The following KCNT2 variants were observed in gnomAD, a reference collection of about 807,000 sequenced individuals.
KCNT2 encodes potassium sodium-activated channel subfamily T member 2.
A neutral mutation model predicts 153.8 loss-of-function variants in KCNT2; 67 were observed. The observed-to-expected ratio is 0.44, with a 90% CI of 0.36 to 0.53. The LOEUF is 0.53. KCNT2 is among the 20% of genes least tolerant of loss of function. The pLI is 0.00. For synonymous variants in KCNT2, 500 were observed against 458.8 expected (o/e 1.09, Z -1.15); for missense variants, 975 against 1,354.8 (o/e 0.72, Z 4.40).
At chr1:196,482,422 A>C (rs1475631784) in intron 3 of KCNT2, 43 bp from the exon 4 acceptor site, 1 of 1,072,974 alleles carries the variant, frequency 9.3e-7, no homozygotes, top group East Asian at 2.8e-5. Flanking sequence ...AAAATATGAA[A>C]AATCTATTCA....
chr1:196,289,187 T>C (rs1434446632), intron 22 of KCNT2, among the ~76,000 whole-genome samples: 1 of 152,096 alleles, frequency 6.6e-6, no homozygotes, highest in Non-Finnish European at 1.5e-5. Flanking sequence ...TTCCCAGGCT[T>C]TTACTGGACT....
At chr1:196,369,149 A>C (rs886741739) in intron 14 of KCNT2, among the ~76,000 whole-genome samples, 10 of 152,258 alleles carry the variant, frequency 6.6e-5, no homozygotes, top group African/African-American at 2.4e-4. Flanking sequence ...AAATTGAAAG[A>C]CAAAGAAAAT....
intron 1 of KCNT2, among the ~76,000 whole-genome samples, chr1:196,548,014 A>C (rs1657352072): frequency 6.6e-6 from 1 of 151,944 alleles, no homozygotes; most frequent in African/African-American, 2.4e-5. Context: ...TATATTGAGT[A>C]ATAGAAATTT....
At chr1:196,316,099 C>T in intron 20 of KCNT2, 73 bp from the exon 21 acceptor site, 1 of 1,394,890 alleles carries the variant, frequency 7.2e-7, no homozygotes, top group Non-Finnish European at 9.9e-7. Context: ...TAAAGTCTAG[C>T]ACTATCCCCT....
intron 1 of KCNT2, among the ~76,000 whole-genome samples, chr1:196,538,935 A>G (rs1207670617): frequency 1.1e-4 from 17 of 152,218 alleles, no homozygotes; most frequent in Non-Finnish European, 2.9e-5. Context: ...GAAATGAAAT[A>G]TTCACTTCCA....
At chr1:196,595,275 GAATT>G (rs1319036703) in intron 1 of KCNT2, among the ~76,000 whole-genome samples, 11 of 152,082 alleles carry the variant, frequency 7.2e-5, no homozygotes, top group Admixed American at 1.3e-4. Flanking sequence ...TGATATTAAT[GAATT>G]AATGATATTA....
chr1:196,320,957 C>T (rs1367479632), intron 19 of KCNT2, among the ~76,000 whole-genome samples: 1 of 149,996 alleles, frequency 6.7e-6, no homozygotes, highest in South Asian at 2.1e-4. Context: ...GTATTCACAT[C>T]TTCCGAAGAC....
intron 1 of KCNT2, among the ~76,000 whole-genome samples, chr1:196,599,682 C>A (rs1202525983): frequency 6.6e-6 from 1 of 152,164 alleles, no homozygotes; most frequent in African/African-American, 2.4e-5. Flanking sequence ...AGGCGATTGT[C>A]CCCTACACAT....
intron 21 of KCNT2, among the ~76,000 whole-genome samples, chr1:196,307,038 C>G (rs1278920607): frequency 6.6e-6 from 1 of 151,860 alleles, no homozygotes. Context: ...AGGAAAACAA[C>G]AACCACGATA....
At chr1:196,451,526 C>T (rs867005938) in intron 8 of KCNT2, among the ~76,000 whole-genome samples, 5 of 146,750 alleles carry the variant, frequency 3.4e-5, no homozygotes, top group Middle Eastern at 3.6e-3. Context: ...GCTAGGATTA[C>T]AGGCATGAGC....
intron 1 of KCNT2, among the ~76,000 whole-genome samples, chr1:196,555,849 A>C (rs147753116): frequency 6.6e-6 from 1 of 151,440 alleles, no homozygotes; most frequent in East Asian, 1.9e-4. Flanking sequence ...ACAAATCCAC[A>C]TCCCTATGGT....
At chr1:196,351,001 A>G (rs1666632560) in intron 14 of KCNT2, among the ~76,000 whole-genome samples, 1 of 152,182 alleles carries the variant, frequency 6.6e-6, no homozygotes, top group African/African-American at 2.4e-5. Flanking sequence ...TTTGTCAAAG[A>G]TCAGATAGTT....
chr1:196,336,534 T>G (rs963012172), intron 16 of KCNT2, among the ~76,000 whole-genome samples: 4 of 152,190 alleles, frequency 2.6e-5, no homozygotes, highest in Admixed American at 6.6e-5. Flanking sequence ...GCTTGTACTT[T>G]CAACACAAGC....
intron 26 of KCNT2, among the ~76,000 whole-genome samples, chr1:196,250,980 A>T (rs1223997228): frequency 6.6e-6 from 1 of 152,096 alleles, no homozygotes; most frequent in Non-Finnish European, 1.5e-5. Context: ...ACAAATCCTG[A>T]CGAGGATATG....
chr1:196,518,759 C>T (rs937866353), intron 1 of KCNT2, among the ~76,000 whole-genome samples: 20 of 152,160 alleles, frequency 1.3e-4, no homozygotes, highest in African/African-American at 4.8e-4. Context: ...GCAACCAACA[C>T]AGGAGCAACC....
In KCNT2 at chr1:196,320,962, G is replaced by A. The variant is rs114976417; in HGVS notation, c.2277-1407C>T. Among the ~76,000 whole-genome samples, 674 of 149,786 alleles carry A rather than the reference G, an allele frequency of 4.5e-3. 5 individuals carry two copies. Among genetic ancestry groups the A allele is most frequent in the African/African-American group, 0.015 (613 of 40,716 alleles). On this transcript the variant is annotated intron_variant, in intron 19 of 27. Transcript: ENST00000294725. The stretch of plus-strand genomic sequence containing the variant: ...TTTAACACTGGTATTCACATCTTCC[G>A]AAGACCTTATTTTCTTTTTTTTTTT...
At chr1:196,589,334 T>G (rs1281244338) in intron 1 of KCNT2, among the ~76,000 whole-genome samples, 3 of 152,016 alleles carry the variant, frequency 2.0e-5, no homozygotes. Flanking sequence ...ATTCTATACA[T>G]TAAAATGTAC....
chr1:196,460,053 G>T (rs1342824087), intron 8 of KCNT2, among the ~76,000 whole-genome samples: 1 of 151,624 alleles, frequency 6.6e-6, no homozygotes, highest in Non-Finnish European at 1.5e-5. Context: ...TTATTACATT[G>T]TTCTGCTCTC....
intron 1 of KCNT2, among the ~76,000 whole-genome samples, chr1:196,604,237 A>G (rs1311977668): frequency 2.6e-5 from 4 of 152,318 alleles, no homozygotes; most frequent in African/African-American, 9.6e-5. Context: ...TAACATAAAC[A>G]ATACTGTCAA....
Sources: gnomAD v4.1 joint callset for allele counts (sites outside exome capture counted in the v4.1 genomes callset) on GRCh38, gnomAD v4.1.1 for gene constraint, MANE v1.5 for transcripts, NCBI Gene and HGNC (gene_info 2026-07-23, HGNC 2026-07-21) for gene names.